The following LIMS1 variants were observed in gnomAD, a reference collection of about 807,000 sequenced individuals.
LIMS1 encodes LIM zinc finger domain containing 1, also known as LIM and senescent cell antigen-like-containing domain protein 1.
In LIMS1, 18 loss-of-function variants were observed where a neutral mutation model predicts 44.1. The ratio of observed to expected loss-of-function variants is 0.41; its 90% CI spans 0.28 to 0.61. The LOEUF (loss-of-function observed/expected upper bound fraction) is 0.61, where lower values mean the gene tolerates loss of function less well. Ranked by LOEUF, LIMS1 falls within the 20% of genes least tolerant of loss-of-function variation. LIMS1 has a pLI of 0.32. For missense variants in LIMS1, 201 were observed against 422.0 expected, an observed-to-expected ratio of 0.48 and a Z score of 4.59; for synonymous variants, 93 against 149.1, an observed-to-expected ratio of 0.62 and a Z score of 2.74.
At chr2:108,607,340 A>G in intron 1 of LIMS1, 3 of 1,276,460 alleles carry the variant, frequency 2.4e-6, no homozygotes, top group Non-Finnish European at 2.2e-6. Context: ...GTTGTCTGGT[A>G]TCTTCATCAC....
chr2:108,685,625 A>C (rs753308873), exon 10 of LIMS1: 2 of 152,188 alleles, frequency 1.3e-5, no homozygotes, highest in Non-Finnish European at 2.9e-5. Context: ...TAGAATTGAA[A>C]TTATCATAAA....
At chr2:108,659,859 C>T in intron 2 of LIMS1, 95 bp downstream of exon 2, 1 of 1,606,126 alleles carries the variant, frequency 6.2e-7, no homozygotes, top group Non-Finnish European at 8.5e-7. Context: ...TGTTCAGTTT[C>T]ATGATGAAAG....
chr2:108,562,791 G>A (rs1023183046), intron 1 of LIMS1, among the ~76,000 whole-genome samples: 1 of 152,234 alleles, frequency 6.6e-6, no homozygotes, highest in Non-Finnish European at 1.5e-5. Context: ...GATTGTCAGT[G>A]TAGACAAAAT....
At position 108,551,951 on chromosome 2, in the gene LIMS1, GTGTATA is replaced by G. The variant is rs1320099831; in HGVS notation, c.32+17359_32+17364del. 1.8e-3 allele frequency among the ~76,000 whole-genome samples: 232 copies of G among 128,320 alleles called. 1 individual carries two copies. Among genetic ancestry groups the G allele is most frequent in the East Asian group, 8.1e-3 (34 of 4,210 alleles). 84.2% of individuals were successfully genotyped at this position (128,320 alleles called of 152,430 possible). A position where few individuals can be genotyped will look rare whatever the true frequency, so the allele number is the denominator to read the frequency against. Reference sequence around the variant, plus strand: ...TATATGTGTGTGTGTGTGTGTGTGTGTGTATATATATATATATATATGTATATATAT... The same window carrying G: ...TATATGTGTGTGTGTGTGTGTGTGTGTATATATATATATATGTATATATAT... On this transcript the variant is annotated intron_variant, in intron 1 of 9. Coordinates refer to ENST00000544547, the Ensembl canonical transcript of LIMS1.
Position 108,679,990 on chromosome 2 carries a change from C to T in LIMS1, c.824-705C>T, listed in dbSNP as rs1352886180. Reference sequence around the variant, plus strand: ...CTATAATCTCAGCATTTTGGGAGACCGAGGCAGGTAGATTGCTTGAGCCCA... The same window carrying T: ...CTATAATCTCAGCATTTTGGGAGACTGAGGCAGGTAGATTGCTTGAGCCCA... On this transcript the variant is annotated intron_variant, in intron 8 of 9. Coordinates refer to ENST00000544547, the Ensembl canonical transcript of LIMS1. Among the ~76,000 whole-genome samples, 12 of 151,712 alleles carry T rather than the reference C, an allele frequency of 7.9e-5. 1 individual carries two copies. In the South Asian group the frequency reaches 2.3e-3, roughly 29 times the overall value.
intron 1 of LIMS1, among the ~76,000 whole-genome samples, chr2:108,558,544 G>A (rs1420383425): frequency 3.3e-5 from 5 of 151,974 alleles, no homozygotes; most frequent in Non-Finnish European, 7.4e-5. Context: ...AAATGCCTTT[G>A]TTGCACTGGC....
chr2:108,548,825 A>C (rs1471660853), intron 1 of LIMS1, among the ~76,000 whole-genome samples: 4 of 152,210 alleles, frequency 2.6e-5, no homozygotes, highest in African/African-American at 9.6e-5. Context: ...CCAAGGATAT[A>C]AGGCATGGGA....
chr2:108,633,926 C>T (rs1689071933), intron 1 of LIMS1, among the ~76,000 whole-genome samples: 1 of 152,174 alleles, frequency 6.6e-6, no homozygotes, highest in African/African-American at 2.4e-5. Context: ...CCCTGAGCTC[C>T]ATCGTGGTGT....
chr2:108,645,745 A>T (rs184935629), intron 1 of LIMS1, among the ~76,000 whole-genome samples: 5 of 151,980 alleles, frequency 3.3e-5, no homozygotes, highest in African/African-American at 1.2e-4. Context: ...TATTCAGGAG[A>T]CCCATCCCAC....
At chr2:108,608,594 G>C (rs1372150555) in intron 1 of LIMS1, among the ~76,000 whole-genome samples, 7 of 152,134 alleles carry the variant, frequency 4.6e-5, no homozygotes, top group African/African-American at 1.7e-4. Flanking sequence ...GTGAGCCACC[G>C]CGCCCGGCCC....
chr2:108,539,966 T>C (rs527975818), intron 1 of LIMS1, among the ~76,000 whole-genome samples: 1 of 152,294 alleles, frequency 6.6e-6, no homozygotes, highest in African/African-American at 2.4e-5. Context: ...TTCTTACTGA[T>C]TTCCTTTTCA....
intron 1 of LIMS1, among the ~76,000 whole-genome samples, chr2:108,546,091 T>C (rs1684472069): frequency 6.6e-6 from 1 of 152,200 alleles, no homozygotes; most frequent in African/African-American, 2.4e-5. Context: ...TGCCTTAGCA[T>C]ATATCACTTT....
intron 6 of LIMS1, 23 bp from the exon 7 acceptor site, chr2:108,676,583 G>T: frequency 6.5e-7 from 1 of 1,550,006 alleles, no homozygotes; most frequent in Non-Finnish European, 8.7e-7. Context: ...ATTCAAAAAT[G>T]ACCTATAGCA....
At chr2:108,588,544 A>T (rs140889831) in intron 1 of LIMS1, 108 of 985,520 alleles carry the variant, frequency 1.1e-4, no homozygotes, top group Non-Finnish European at 1.2e-4. Flanking sequence ...CTGTGTGTGT[A>T]AAGTGACTAA....
chr2:108,569,563 G>A (rs550537574), intron 1 of LIMS1, among the ~76,000 whole-genome samples: 1 of 152,130 alleles, frequency 6.6e-6, no homozygotes, highest in South Asian at 2.1e-4. Context: ...ATCATTTGTT[G>A]AAGAAACTGT....
chr2:108,680,693 A>G lies in LIMS1; in HGVS notation c.824-2A>G, dbSNP rs1438461401. The G allele has an allele frequency of 4.3e-6, 7 of 1,609,430 alleles. No individual in the cohort carries two copies. The highest frequency in any genetic ancestry group is 1.7e-5 in the Admixed American group (1 of 59,500). ...GACCAGATCTCTTTCCTCTTTCTCC[A>G]GTGGTCTCTGCTCTTAATAAGGCCT... On this transcript the variant is annotated splice_acceptor_variant, in intron 8 of 9. Coordinates refer to ENST00000544547, the Ensembl canonical transcript of LIMS1. LOFTEE classifies it high-confidence loss of function.
intron 1 of LIMS1, among the ~76,000 whole-genome samples, chr2:108,622,525 T>C (rs62149920): frequency 0.36 from 55,114 of 152,148 alleles, 11,864 homozygotes; most frequent in East Asian, 0.88. Flanking sequence ...AGGACTATTA[T>C]TGACACTAAC....
exon 2 of LIMS1, chr2:108,659,638 C>G (rs561901890): frequency 3.1e-6 from 5 of 1,612,092 alleles, no homozygotes; most frequent in Admixed American, 3.3e-5. Context: ...GCGCCACTTG[C>G]GAGCGCTGCA....
intron 1 of LIMS1, among the ~76,000 whole-genome samples, chr2:108,577,878 G>A (rs193177293): frequency 1.2e-3 from 185 of 152,164 alleles, no homozygotes; most frequent in African/African-American, 4.4e-3. Flanking sequence ...ACTGTTAAAT[G>A]CTATTCTGAG....
Sources: gnomAD v4.1 joint callset for allele counts (sites outside exome capture counted in the v4.1 genomes callset) on GRCh38, gnomAD v4.1.1 for gene constraint, MANE v1.5 for transcripts, NCBI Gene and HGNC (gene_info 2026-07-23, HGNC 2026-07-21) for gene names.